DCAF7: variants seen among roughly 807,000 people sequenced by gnomAD.
The protein encoded by DCAF7 is DDB1- and CUL4-associated factor 7.
DCAF7 carries 4 observed loss-of-function variants against 41.2 expected under a neutral mutation model. That is an observed-to-expected ratio of 0.10 (90% CI 0.05 to 0.22). The LOEUF (loss-of-function observed/expected upper bound fraction) is 0.22, where lower values mean the gene tolerates loss of function less well. DCAF7 is among the 10% of genes least tolerant of loss of function. The pLI, the probability that DCAF7 is intolerant of heterozygous loss-of-function variation, is 1.00. For missense variants in DCAF7, 131 were observed against 443.2 expected (o/e 0.30, Z 6.32); for synonymous variants, 143 against 164.2 (o/e 0.87, Z 0.99).
Position 63,589,335 on chromosome 17 carries a change from A to C in DCAF7, c.*163A>C. The C allele has an allele frequency of 1.1e-6, 1 of 940,714 alleles. No homozygotes were observed. Among genetic ancestry groups the C allele is most frequent in the Non-Finnish European group, 1.7e-6 (1 of 604,634 alleles). The allele number at this position is 940,714 out of a possible 1,614,324, so 58.3% of individuals were successfully genotyped here. A position where few individuals can be genotyped will look rare whatever the true frequency, so the allele number is the denominator to read the frequency against. Reference sequence around the variant, plus strand: ...CTAGGAGTTCCTGGCCAGTCACCCCATCGCCCTCTGTGGCAGACTCAGTGC... The same window carrying C: ...CTAGGAGTTCCTGGCCAGTCACCCCCTCGCCCTCTGTGGCAGACTCAGTGC... On this transcript the variant is annotated 3_prime_UTR_variant, in exon 7 of 7. Coordinates refer to ENST00000614556, the MANE Select transcript of DCAF7 (RefSeq NM_005828.5).
intron 5 of DCAF7, 97 bp downstream of exon 5, chr17:63,583,808 C>T (rs773184254): frequency 6.3e-6 from 8 of 1,262,824 alleles, no homozygotes; most frequent in South Asian, 1.3e-5. Flanking sequence ...GTTTGGCTCC[C>T]GGAGTATCTT....
intron 6 of DCAF7, among the ~76,000 whole-genome samples, chr17:63,585,988 G>A (rs1347684812): frequency 6.6e-6 from 1 of 151,930 alleles, no homozygotes; most frequent in Non-Finnish European, 1.5e-5. Flanking sequence ...AGCCAGGCAT[G>A]GTGGCACGCA....
intron 1 of DCAF7, among the ~76,000 whole-genome samples, chr17:63,570,552 T>A (rs1212635795): frequency 6.6e-6 from 1 of 152,220 alleles, no homozygotes; most frequent in Non-Finnish European, 1.5e-5. Flanking sequence ...AGCCTCCTCT[T>A]CCCTTGTGAG....
At position 63,578,499 on chromosome 17, in the gene DCAF7, T is replaced by C. The variant is rs1364255719; in HGVS notation, c.168T>C (p.Ser56=). 2 of 1,613,896 alleles carry C rather than the reference T, an allele frequency of 1.2e-6. No homozygotes were observed. The highest frequency in any genetic ancestry group is 1.7e-6 in the Non-Finnish European group (2 of 1,179,864). ...KVQLVGLDEE[S]SEFICRNTFD... is the part of the protein sequence containing the mutation. The stretch of plus-strand genomic sequence containing the variant: ...AGCTTGTTGGTTTAGATGAGGAGAG[T>C]TCAGAGTTTATTTGCAGAAACACCT... Residue 56 remains serine, a synonymous_variant, in exon 2 of 7, where the codon AGT becomes AGC. Transcript: ENST00000614556.
chr17:63,579,907 C>T lies in DCAF7; in HGVS notation c.492C>T (p.Gly164=). The change falls in exon 4 of 7, where the codon GGC becomes GGT. Residue 164 remains glycine, a synonymous_variant. Transcript: ENST00000614556. ...TAGGGCGAGTGAATCTCGTGTCTGG[C>T]CACGTGAAGACCCAGCTGATCGCCC... The part of the protein sequence containing the change: ...QVLGRVNLVS[G]HVKTQLIAHD... 2.0e-5 allele frequency: 32 copies of T among 1,613,740 alleles called. No homozygotes were observed. Among genetic ancestry groups the T allele is most frequent in the Non-Finnish European group, 2.5e-5 (29 of 1,179,766 alleles).
chr17:63,554,502 A>G (rs1187174655), intron 1 of DCAF7, among the ~76,000 whole-genome samples: 1 of 152,210 alleles, frequency 6.6e-6, no homozygotes, highest in Non-Finnish European at 1.5e-5. Context: ...CATGCTCCTA[A>G]ACATTGGTTC....
rs367767886 is a variant in DCAF7, at chr17:63,590,391, G to A, written c.*1219G>A. 1.3e-5 allele frequency: 2 copies of A among 152,480 alleles called. No homozygotes were observed. The highest frequency in any genetic ancestry group is 2.9e-5 in the Non-Finnish European group (2 of 68,098). 9.4% of individuals were successfully genotyped at this position (152,480 alleles called of 1,614,324 possible). ...GATAGTTAAAAAGCATTATACTGTG[G>A]GTAATGAAAAGGGAGGAAAAAAAAA... On this transcript the variant is annotated 3_prime_UTR_variant, in exon 7 of 7. Transcript: ENST00000614556.
rs752558835 is a variant in DCAF7 at position 63,585,207 on chromosome 17, G to T, written c.739-4G>T. ...CCCAGGCCTTTTACTTGTTATTTCCGCAGGTGGTGATTCTAGATGTCCGGG... is the reference window on the plus strand; with the variant it reads ...CCCAGGCCTTTTACTTGTTATTTCCTCAGGTGGTGATTCTAGATGTCCGGG... On this transcript the variant is annotated splice_polypyrimidine_tract_variant and splice_region_variant and intron_variant, in intron 5 of 6. Coordinates refer to ENST00000614556, the MANE Select transcript of DCAF7 (RefSeq NM_005828.5). 1.9e-6 allele frequency: 3 copies of T among 1,611,604 alleles called. No individual in the cohort carries two copies. The South Asian group carries it at 3.3e-5, about 18-fold the overall frequency.
Position 63,589,361 on chromosome 17 carries a change from T to C in DCAF7, c.*189T>C, listed in dbSNP as rs143091753. 7.7e-3 allele frequency: 5,870 copies of C among 766,010 alleles called. 42 individuals are homozygous for C. Among genetic ancestry groups the C allele is most frequent in the Admixed American group, 0.013 (620 of 49,342 alleles). 47.5% of individuals were successfully genotyped at this position (766,010 alleles called of 1,614,324 possible). On this transcript the variant is annotated 3_prime_UTR_variant, in exon 7 of 7. Coordinates refer to ENST00000614556, the MANE Select transcript of DCAF7 (RefSeq NM_005828.5). ...TCGCCCTCTGTGGCAGACTCAGTGCTGTGTGGCGCCTCCTCAGCCCAGGGC... is the reference window on the plus strand; with the variant it reads ...TCGCCCTCTGTGGCAGACTCAGTGCCGTGTGGCGCCTCCTCAGCCCAGGGC...
At chr17:63,561,707 G>A (rs978107204) in intron 1 of DCAF7, among the ~76,000 whole-genome samples, 1 of 152,186 alleles carries the variant, frequency 6.6e-6, no homozygotes, top group Non-Finnish European at 1.5e-5. Context: ...GTGACAGAGT[G>A]AGACCCCATC....
At chr17:63,568,794 A>G (rs1291463049) in intron 1 of DCAF7, among the ~76,000 whole-genome samples, 1 of 152,104 alleles carries the variant, frequency 6.6e-6, no homozygotes, top group African/African-American at 2.4e-5. Context: ...CCCACCTCAC[A>G]ATACATGTCT....
At position 63,589,559 on chromosome 17, in the gene DCAF7, C is replaced by G. The variant is rs938515236; in HGVS notation, c.*387C>G. 3.6e-6 allele frequency: 1 copy of G among 276,428 alleles called. No individual in the cohort carries two copies. Among genetic ancestry groups the G allele is most frequent in the African/African-American group, 2.2e-5 (1 of 45,490 alleles). 17.1% of individuals were successfully genotyped at this position (276,428 alleles called of 1,614,324 possible). The stretch of plus-strand genomic sequence containing the variant: ...CCCAAGGCAGCAGTTCATGTCTCGT[C>G]CATGTCCATGTTCGTGTTAGCACTT... On this transcript the variant is annotated 3_prime_UTR_variant, in exon 7 of 7. Coordinates refer to ENST00000614556, the MANE Select transcript of DCAF7 (RefSeq NM_005828.5).
In DCAF7 at chr17:63,593,560, C is replaced by CTG. The variant is rs2033755730; in HGVS notation, c.*4388_*4389insTG. 6.6e-6 allele frequency: 1 copy of CTG among 152,640 alleles called. No homozygotes were observed. The highest frequency in any genetic ancestry group is 2.4e-5 in the African/African-American group (1 of 41,458). The allele number at this position is 152,640 out of a possible 1,614,324, so 9.5% of individuals were successfully genotyped here. On this transcript the variant is annotated 3_prime_UTR_variant, in exon 7 of 7. Transcript: ENST00000614556. ...ATGTAACAGCTGGAAAGTTTATAGG[C>CTG]ACCCACCTTTGGGACAACCCAGTGA...
At chr17:63,560,871 A>G (rs1414888084) in intron 1 of DCAF7, among the ~76,000 whole-genome samples, 1 of 152,278 alleles carries the variant, frequency 6.6e-6, no homozygotes, top group Non-Finnish European at 1.5e-5. Context: ...GAAGTCAGGC[A>G]TGATAATATT....
At chr17:63,554,312 T>C (rs1303436111) in intron 1 of DCAF7, among the ~76,000 whole-genome samples, 1 of 152,242 alleles carries the variant, frequency 6.6e-6, no homozygotes, top group Non-Finnish European at 1.5e-5. Flanking sequence ...TAAATTTTAG[T>C]GTGTGAGAAT....
intron 4 of DCAF7, among the ~76,000 whole-genome samples, chr17:63,581,359 G>A (rs1391616381): frequency 6.6e-6 from 1 of 152,182 alleles, no homozygotes; most frequent in African/African-American, 2.4e-5. Context: ...TACAGAAGAT[G>A]GTAAAGCTGA....
intron 6 of DCAF7, among the ~76,000 whole-genome samples, chr17:63,587,510 C>T (rs1429557218): frequency 1.3e-5 from 2 of 152,118 alleles, no homozygotes; most frequent in Non-Finnish European, 2.9e-5. Flanking sequence ...CCCCTTCAAC[C>T]GAAGGAGCTG....
At chr17:63,584,257 CAA>C (rs2033653998) in intron 5 of DCAF7, among the ~76,000 whole-genome samples, 1 of 152,102 alleles carries the variant, frequency 6.6e-6, no homozygotes, top group Non-Finnish European at 1.5e-5. Context: ...ATCACGAGGT[CAA>C]GAGATGGAGA....
intron 6 of DCAF7, among the ~76,000 whole-genome samples, chr17:63,587,305 T>C (rs1189939224): frequency 6.6e-6 from 1 of 151,998 alleles, no homozygotes; most frequent in African/African-American, 2.4e-5. Context: ...GATTGTGGTC[T>C]GTCTTCTTCA....
Sources: allele counts gnomAD v4.1 joint callset (sites outside exome capture counted in the v4.1 genomes callset), GRCh38; gene constraint gnomAD v4.1.1; transcripts MANE v1.5; gene names NCBI Gene and HGNC (gene_info 2026-07-23, HGNC 2026-07-21).